PCDH19: variants seen among roughly 807,000 people sequenced by gnomAD.
The protein encoded by PCDH19 is protocadherin 19, also known as protocadherin-19.
A neutral mutation model predicts 46.2 loss-of-function variants in PCDH19; 6 were observed. That is an observed-to-expected ratio of 0.13 (90% CI 0.07 to 0.26). The LOEUF is 0.26. Ranked by LOEUF, PCDH19 falls within the 10% of genes least tolerant of loss-of-function variation. The pLI is 1.00. For missense variants in PCDH19, 740 were observed against 972.3 expected (o/e 0.76, Z 3.18); for synonymous variants, 481 against 415.7 (o/e 1.16, Z -1.91).
At chrX:100,352,725 C>T (rs773570210) in intron 3 of PCDH19, among the ~76,000 whole-genome samples, 12 of 111,658 alleles carry the variant, frequency 1.1e-4, no homozygotes, top group South Asian at 3.8e-4. Context: ...ATGTGATGTG[C>T]CTACTCCCCC....
intron 3 of PCDH19, among the ~76,000 whole-genome samples, chrX:100,351,842 C>T (rs1426649033): frequency 8.9e-6 from 1 of 112,455 alleles, no homozygotes; most frequent in Non-Finnish European, 1.9e-5. Context: ...AAGGAGCTCA[C>T]AGTTTGATGG....
intron 5 of PCDH19, among the ~76,000 whole-genome samples, chrX:100,331,814 T>C (rs1925879780): frequency 8.9e-6 from 1 of 111,917 alleles, no homozygotes; most frequent in Non-Finnish European, 1.9e-5. Flanking sequence ...CGACTGTAAG[T>C]TTCCTGAGGC....
intron 3 of PCDH19, among the ~76,000 whole-genome samples, chrX:100,399,288 A>C (rs907677526): frequency 2.7e-5 from 3 of 112,133 alleles, no homozygotes; most frequent in African/African-American, 9.7e-5. Flanking sequence ...TTAATTAATT[A>C]GGAAAATATA....
At chrX:100,325,419 G>T (rs1925663681) in intron 5 of PCDH19, among the ~76,000 whole-genome samples, 1 of 103,952 alleles carries the variant, frequency 9.6e-6, no homozygotes, top group African/African-American at 3.5e-5. Flanking sequence ...TGCCAGGCTG[G>T]AGTGCAGTGG....
intron 3 of PCDH19, among the ~76,000 whole-genome samples, chrX:100,389,926 C>T (rs904302855): frequency 1.8e-5 from 2 of 111,355 alleles, no homozygotes; most frequent in East Asian, 5.6e-4. Context: ...TTTATATTTT[C>T]TTCTAATGAT....
At chrX:100,387,322 CA>C (rs1370336937) in intron 3 of PCDH19, among the ~76,000 whole-genome samples, 1 of 111,726 alleles carries the variant, frequency 9.0e-6, no homozygotes, top group Non-Finnish European at 1.9e-5. Flanking sequence ...AAAAAGAACA[CA>C]AATAGTGCAT....
intron 3 of PCDH19, among the ~76,000 whole-genome samples, chrX:100,361,603 C>G (rs1250618150): frequency 1.8e-5 from 2 of 112,072 alleles, no homozygotes; most frequent in African/African-American, 6.5e-5. Flanking sequence ...TTTTCTTTTT[C>G]TCAAAGCCTT....
At chrX:100,348,065 C>CAAAAAAAAAAAAAAAAAAAAA (rs1177957771) in intron 4 of PCDH19, among the ~76,000 whole-genome samples, 3 of 40,608 alleles carry the variant, frequency 7.4e-5, no homozygotes, top group African/African-American at 1.1e-4. Context: ...GATTCCGTCT[C>CAAAAAAAAAAAAAAAAAAAAA]AAAAAAAAAA....
chrX:100,379,551 G>A (rs1927489759), intron 3 of PCDH19, among the ~76,000 whole-genome samples: 2 of 112,198 alleles, frequency 1.8e-5, no homozygotes, highest in African/African-American at 6.5e-5. Context: ...GTTGAATAAA[G>A]GCTGGCTTTT....
intron 3 of PCDH19, among the ~76,000 whole-genome samples, chrX:100,372,959 A>T (rs977412332): frequency 1.8e-5 from 2 of 112,805 alleles, no homozygotes; most frequent in African/African-American, 6.4e-5. Flanking sequence ...GACATAGATT[A>T]GATGTTTAAT....
chrX:100,317,022 T>A (rs1925329850), intron 5 of PCDH19, among the ~76,000 whole-genome samples: 1 of 112,021 alleles, frequency 8.9e-6, no homozygotes, highest in Admixed American at 9.5e-5. Flanking sequence ...TATTTGAGGA[T>A]ATAATTTTAG....
At position 100,407,991 on chromosome X, in the gene PCDH19, G is replaced by A. The variant is rs774168014; in HGVS notation, c.607C>T (p.His203Tyr). Reference sequence around the variant, plus strand: ...AGCGCAGTGATTCGGAAGCTGTAGTGCGACTGCGTCTCGCGGTCCAGGCTC... The same window carrying A: ...AGCGCAGTGATTCGGAAGCTGTAGTACGACTGCGTCTCGCGGTCCAGGCTC... Reference protein sequence around the residue: ...EKSLDRETQSHYSFRITALDG... With the variant: ...EKSLDRETQSYYSFRITALDG... The change falls in exon 1 of 6, where the codon CAC becomes TAC. Residue 203 changes from histidine to tyrosine, a missense_variant. Transcript: ENST00000373034. The A allele has an allele frequency of 8.3e-6, 10 of 1,208,158 alleles. No individual in the cohort carries two copies. The South Asian group carries it at 1.8e-4, about 21-fold the overall frequency.
intron 3 of PCDH19, among the ~76,000 whole-genome samples, chrX:100,352,179 G>T (rs755184277): frequency 1.8e-5 from 2 of 112,084 alleles, no homozygotes; most frequent in African/African-American, 6.5e-5. Context: ...TGGGTTGGGG[G>T]ATTAAAAATC....
chrX:100,354,652 A>G (rs1051331783), intron 3 of PCDH19, among the ~76,000 whole-genome samples: 2 of 112,185 alleles, frequency 1.8e-5, no homozygotes, highest in East Asian at 2.8e-4. Flanking sequence ...ATAAAGAACC[A>G]CAGAAGAAAT....
chrX:100,385,335 TG>T (rs1213557869), intron 3 of PCDH19, among the ~76,000 whole-genome samples: 1 of 110,802 alleles, frequency 9.0e-6, no homozygotes, highest in Non-Finnish European at 1.9e-5. Flanking sequence ...ACAACTTATC[TG>T]GGGGAAATAC....
intron 5 of PCDH19, among the ~76,000 whole-genome samples, chrX:100,330,664 G>C (rs776412031): frequency 1.8e-5 from 2 of 112,247 alleles, no homozygotes; most frequent in East Asian, 5.5e-4. Context: ...AGGCCCTAAG[G>C]CTTAGCTTAC....
At chrX:100,327,469 T>C (rs1056786510) in intron 5 of PCDH19, among the ~76,000 whole-genome samples, 1 of 112,167 alleles carries the variant, frequency 8.9e-6, no homozygotes, top group Non-Finnish European at 1.9e-5. Context: ...TTGAATATAA[T>C]GGAGTAGAGT....
intron 5 of PCDH19, among the ~76,000 whole-genome samples, chrX:100,322,999 G>A (rs1432511882): frequency 4.7e-5 from 5 of 107,229 alleles, no homozygotes; most frequent in African/African-American, 1.7e-4. Context: ...GAAAGAAAAC[G>A]TTCTTAAATA....
rs146859147 is a variant in PCDH19, at chrX:100,377,629, A to G, written c.2616+24895T>C. ...TTGAAGTGTGAGTTCAGAGCTTTGG[A>G]GAGCTGTGTGTCACAGCATGTGCAG... On this transcript the variant is annotated intron_variant, in intron 3 of 5. Transcript: ENST00000373034. 7.5e-3 allele frequency among the ~76,000 whole-genome samples: 839 copies of G among 112,360 alleles called. 10 individuals carry two copies. Among genetic ancestry groups the G allele is most frequent in the African/African-American group, 0.026 (799 of 30,913 alleles).
Sources: gnomAD v4.1 joint callset for allele counts (sites outside exome capture counted in the v4.1 genomes callset) on GRCh38, gnomAD v4.1.1 for gene constraint, MANE v1.5 for transcripts, NCBI Gene and HGNC (gene_info 2026-07-23, HGNC 2026-07-21) for gene names.